KRT1: variants seen among roughly 807,000 people sequenced by gnomAD.
KRT1 encodes the protein keratin, type II cytoskeletal 1.
Under a neutral mutation model 51.6 loss-of-function variants are expected in KRT1, and 28 were observed. The observed-to-expected ratio is 0.54, with a 90% CI of 0.40 to 0.74. The LOEUF (loss-of-function observed/expected upper bound fraction) is 0.74. KRT1 is among the 30% of genes least tolerant of loss of function. The probability of loss-of-function intolerance (pLI) is 0.00; values close to 1 mark genes in which losing one functional copy is unlikely to be tolerated. For synonymous variants in KRT1, 301 were observed against 307.7 expected (o/e 0.98, Z 0.23); for missense variants, 783 against 815.5 (o/e 0.96, Z 0.49).
Position 52,675,048 on chromosome 12 carries a change from G to T in KRT1, c.*145C>A. ...TCATTGGGAAACAGCAGAAAAGAAA[G>T]AGCTGGGGGAATAGGATGAGCTAGT... On this transcript the variant is annotated 3_prime_UTR_variant, in exon 9 of 9. Transcript: ENST00000252244. 9.2e-7 allele frequency: 1 copy of T among 1,090,250 alleles called. No individual in the cohort carries two copies. The allele number at this position is 1,090,250 out of a possible 1,614,324, so 67.5% of individuals were successfully genotyped here.
In KRT1 at chr12:52,679,973, C is replaced by G; in HGVS notation, c.376G>C (p.Gly126Arg). Residue 126 changes from glycine to arginine, a missense_variant, in exon 1 of 9, where the codon GGT becomes CGT. By Grantham distance (125) the Gly-to-Arg change is moderately radical. Transcript: ENST00000252244. ...GGGFGGFGSG[G>R]GGFGGGGFGG... ...AAGCCACCTCCACCAAAACCACCACCACCACTGCCAAAACCACCAAAGCCA... is the reference window on the plus strand; with the variant it reads ...AAGCCACCTCCACCAAAACCACCACGACCACTGCCAAAACCACCAAAGCCA... 1.2e-6 allele frequency: 2 copies of G among 1,609,868 alleles called. No homozygotes were observed. The highest frequency in any genetic ancestry group is 1.7e-6 in the Non-Finnish European group (2 of 1,177,730).
chr12:52,677,280 T>C, intron 5 of KRT1, 36 bp downstream of exon 5: 1 of 1,614,194 alleles, frequency 6.2e-7, no homozygotes, highest in South Asian at 1.1e-5. Flanking sequence ...AGACAAGCCA[T>C]TTCAGGGAAA....
chr12:52,675,552 C>G lies in KRT1; in HGVS notation c.1576G>C (p.Gly526Arg). The G allele has an allele frequency of 6.2e-7, 1 of 1,611,382 alleles. No homozygotes were observed. The highest frequency in any genetic ancestry group is 8.5e-7 in the Non-Finnish European group (1 of 1,179,840). ...GAGCCATAGCTGCTACCTCCAGAGC[C>G]GTAGCCACCGCCGCCACCTCCTCGG... ...GSRGGGGGGY[G>R]SGGSSYGSGG... Residue 526 changes from glycine to arginine, a missense_variant, in exon 9 of 9, where the codon GGC (glycine) becomes CGC (arginine). Coordinates refer to ENST00000252244, the MANE Select transcript of KRT1 (RefSeq NM_006121.4).
At position 52,675,500 on chromosome 12, in the gene KRT1, C is replaced by G. The variant is rs760938474; in HGVS notation, c.1628G>C (p.Gly543Ala). 1 of 1,553,686 alleles carries G rather than the reference C, an allele frequency of 6.4e-7. No individual in the cohort carries two copies. The highest frequency in any genetic ancestry group is 8.8e-7 in the Non-Finnish European group (1 of 1,134,726). Residue 543 changes from glycine to alanine, a missense_variant, in exon 9 of 9, where the codon GGT becomes GCT. Gly to Ala is a moderately conservative substitution (Grantham distance 60). Coordinates refer to ENST00000252244, the MANE Select transcript of KRT1 (RefSeq NM_006121.4). ...GSGGGSYGSGGGGGGGRGSYG... is the reference protein window; with the variant it reads ...GSGGGSYGSGAGGGGGRGSYG... ...GCTGCCACGGCCGCCGCCGCCGCCA[C>G]CTCCAGAACCATAGCTACCACCTCC...
chr12:52,676,533 C>T (rs1480654782), intron 6 of KRT1, 38 bp from the exon 7 acceptor site: 6 of 1,597,018 alleles, frequency 3.8e-6, no homozygotes, highest in Non-Finnish European at 3.4e-6. Context: ...AATATGCATT[C>T]CCCACTAGGC....
intron 2 of KRT1, 88 bp downstream of exon 2, chr12:52,678,454 G>A (rs1941541623): frequency 1.3e-5 from 17 of 1,319,476 alleles, no homozygotes; most frequent in East Asian, 2.3e-5. Flanking sequence ...AAAAGACATA[G>A]CTACATGCTG....
rs375387746 is a variant in KRT1 at position 52,677,309 on chromosome 12, C to T, written c.1128+7G>A. The T allele has an allele frequency of 6.3e-5, 101 of 1,614,218 alleles. No individual in the cohort carries two copies. In the African/African-American group the frequency reaches 1.2e-3, roughly 20 times the overall value. ...AGGGAAACTGGCTAGGCTTTCAGCC[C>T]ACTCACCTTGCTCTGGTACAAGGAC... On this transcript the variant is annotated splice_region_variant and intron_variant, in intron 5 of 8. Transcript: ENST00000252244.
chr12:52,677,569 TA>T, intron 4 of KRT1, 80 bp downstream of exon 4: 1 of 1,604,480 alleles, frequency 6.2e-7, no homozygotes, highest in South Asian at 1.1e-5. Context: ...AAAAGATAAA[TA>T]TCTATTCTTC....
chr12:52,675,688 T>C, intron 8 of KRT1, 22 bp downstream of exon 8: 2 of 1,614,228 alleles, frequency 1.2e-6, no homozygotes, highest in Non-Finnish European at 1.7e-6. Flanking sequence ...CACATGCCCC[T>C]GAGAAATCGA....
intron 3 of KRT1, among the ~76,000 whole-genome samples, 163 bp from the exon 4 acceptor site, chr12:52,677,908 C>A (rs1390696784): frequency 6.6e-6 from 1 of 152,194 alleles, no homozygotes; most frequent in African/African-American, 2.4e-5. Context: ...CCCCGGATAG[C>A]ACCATCAAGG....
In KRT1 at chr12:52,678,681, T is replaced by C; in HGVS notation, c.667A>G (p.Arg223Gly). The C allele has an allele frequency of 6.2e-7, 1 of 1,614,260 alleles. No homozygotes were observed. Among genetic ancestry groups the C allele is most frequent in the Non-Finnish European group, 8.5e-7 (1 of 1,180,036 alleles). ...ELLQQVDTST[R>G]THNLEPYFES... ...AAGTAGGGCTCTAAATTATGGGTTC[T>C]AGTGGAGGTATCTACCTGCTGCAGC... Residue 223 changes from arginine (R) to glycine (G), a missense_variant, in exon 2 of 9, where the codon AGA becomes GGA. Transcript: ENST00000252244.
chr12:52,680,396 A>C lies in KRT1; in HGVS notation c.-48T>G. On this transcript the variant is annotated 5_prime_UTR_variant, in exon 1 of 9. Transcript: ENST00000252244. ...GCAAGGTAGAGTAAGGGAAGGAGCTAAACACTCCTCTACCCCAAGCATAGA... is the reference window on the plus strand; with the variant it reads ...GCAAGGTAGAGTAAGGGAAGGAGCTCAACACTCCTCTACCCCAAGCATAGA... 1 of 1,524,340 alleles carries C rather than the reference A, an allele frequency of 6.6e-7. No individual in the cohort carries two copies. Among genetic ancestry groups the C allele is most frequent in the Middle Eastern group, 1.7e-4 (1 of 5,938 alleles). 94.4% of individuals were successfully genotyped at this position (1,524,340 alleles called of 1,614,324 possible).
intron 3 of KRT1, 81 bp from the exon 4 acceptor site, chr12:52,677,826 C>A (rs975409281): frequency 3.2e-6 from 4 of 1,240,324 alleles, no homozygotes; most frequent in Admixed American, 1.8e-5. Context: ...ATTCTCCAAG[C>A]AAAAAAAGGA....
chr12:52,678,165 T>A lies in KRT1; in HGVS notation c.865A>T (p.Lys289Ter). ...TCCGTCCTACAGAATTTGCTTACCT[T>A]CTTGATGGTCACAAATTCATTCTCT... ...NAENEFVTIKKDVDGAYMTKV... is the reference protein window; with the variant it reads ...NAENEFVTIK Residue 289 changes from lysine to a stop codon, truncating the protein, a stop_gained and splice_region_variant, in exon 3 of 9, where the codon AAG becomes TAG. Transcript: ENST00000252244. LOFTEE classifies it high-confidence loss of function. 3 of 1,614,086 alleles carry A rather than the reference T, an allele frequency of 1.9e-6. No homozygotes were observed. The highest frequency in any genetic ancestry group is 2.5e-6 in the Non-Finnish European group (3 of 1,179,958).
chr12:52,676,391 C>T lies in KRT1; in HGVS notation c.1359G>A (p.Gln453=). 1.9e-6 allele frequency: 3 copies of T among 1,614,158 alleles called. No individual in the cohort carries two copies. Among genetic ancestry groups the T allele is most frequent in the East Asian group, 2.2e-5 (1 of 44,876 alleles). The change falls in exon 7 of 9, where the codon CAG becomes CAA. Residue 453 remains glutamine, a synonymous_variant. Transcript: ENST00000252244. ...KLNDLEDALQ[Q]AKEDLARLLR... ...GCAGGCGGGCCAGGTCTTCCTTGGC[C>T]TGCTGCAGGGCATCCTCCAGGTCAT...
Position 52,680,176 on chromosome 12 carries a change from G to C in KRT1, c.173C>G (p.Ala58Gly). 1 of 1,611,436 alleles carries C rather than the reference G, an allele frequency of 6.2e-7. No homozygotes were observed. Among genetic ancestry groups the C allele is most frequent in the East Asian group, 2.2e-5 (1 of 44,810 alleles). Reference sequence around the variant, plus strand: ...ACTCCGACTTCCAAATCCACCACCAGCACCAAAGCTACCACCACCACCACC... The same window carrying C: ...ACTCCGACTTCCAAATCCACCACCACCACCAAAGCTACCACCACCACCACC... ...SCGGGGGSFG[A>G]GGGFGSRSLV... Residue 58 changes from alanine to glycine, a missense_variant, in exon 1 of 9, where the codon GCT becomes GGT. Transcript: ENST00000252244.
intron 7 of KRT1, 94 bp from the exon 8 acceptor site, chr12:52,675,838 C>G: frequency 7.1e-7 from 1 of 1,415,450 alleles, no homozygotes; most frequent in Admixed American, 1.9e-5. Flanking sequence ...CTTTCCCCAT[C>G]TGGGTCTTCT....
chr12:52,679,571 C>A (rs766210069), intron 1 of KRT1, among the ~76,000 whole-genome samples, 187 bp downstream of exon 1: 1 of 152,194 alleles, frequency 6.6e-6, no homozygotes, highest in African/African-American at 2.4e-5. Flanking sequence ...AACCCTTTGT[C>A]AAAGAGAGAG....
intron 7 of KRT1, 27 bp downstream of exon 7, chr12:52,676,248 G>A (rs758594838): frequency 4.5e-6 from 7 of 1,572,142 alleles, no homozygotes; most frequent in Middle Eastern, 3.3e-4. Flanking sequence ...ATGAGAAGAG[G>A]TTCGACTCCC....
Sources: allele counts gnomAD v4.1 joint callset (sites outside exome capture counted in the v4.1 genomes callset), GRCh38; gene constraint gnomAD v4.1.1; transcripts MANE v1.5; gene names NCBI Gene and HGNC (gene_info 2026-07-23, HGNC 2026-07-21).